CPEB1: variants seen among roughly 807,000 people sequenced by gnomAD.
CPEB1 encodes the protein cytoplasmic polyadenylation element-binding protein 1.
Under a neutral mutation model 65.8 loss-of-function variants are expected in CPEB1, and 7 were observed. The observed-to-expected ratio is 0.11, with a 90% confidence interval of 0.06 to 0.20. CPEB1 has a LOEUF of 0.20. Among genes scored for constraint, CPEB1 ranks in the 10% least tolerant of loss-of-function variants. The pLI, the probability that CPEB1 is intolerant of heterozygous loss-of-function variation, is 1.00. For synonymous variants in CPEB1, 262 were observed against 260.0 expected, an observed-to-expected ratio of 1.01 and a Z score of -0.08; for missense variants, 551 against 712.2, an observed-to-expected ratio of 0.77 and a Z score of 2.58.
intron 4 of CPEB1, among the ~76,000 whole-genome samples, chr15:82,567,845 T>C (rs977927092): frequency 6.6e-6 from 1 of 152,128 alleles, no homozygotes; most frequent in Non-Finnish European, 1.5e-5. Context: ...ACTCTTCTGC[T>C]GCATAATGCT....
chr15:82,618,034 TTTTGTAACTTC>T (rs1051359170), intron 3 of CPEB1, among the ~76,000 whole-genome samples: 10 of 152,244 alleles, frequency 6.6e-5, no homozygotes, highest in Admixed American at 5.2e-4. Context: ...TTTTATTAAC[TTTTGTAACTTC>T]TTTGTAACTT....
At chr15:82,567,537 T>C (rs1036042978) in intron 4 of CPEB1, among the ~76,000 whole-genome samples, 2 of 151,762 alleles carry the variant, frequency 1.3e-5, no homozygotes, top group African/African-American at 4.8e-5. Flanking sequence ...CTCAGGAGGC[T>C]GAGGCAGAGG....
At chr15:82,566,689 A>G (rs1451098422) in intron 4 of CPEB1, among the ~76,000 whole-genome samples, 1 of 151,886 alleles carries the variant, frequency 6.6e-6, no homozygotes, top group Admixed American at 6.6e-5. Flanking sequence ...AGGTCAGCAC[A>G]CATCCTGCCC....
intron 1 of CPEB1, chr15:82,629,509 A>G: frequency 1.0e-6 from 1 of 985,250 alleles, no homozygotes; most frequent in East Asian, 1.1e-4. Flanking sequence ...GGTATTCCCT[A>G]TCTCGGTAAA....
rs2034786984 is a variant in CPEB1, at chr15:82,544,283, T to TTC, written c.*308_*309insGA. ...CTTCTGGACACGTAGTTTTTTTTTT[T>TTC]TTTTTTTTTTTCCCCGCTTTTCATC... On this transcript the variant is annotated 3_prime_UTR_variant, in exon 13 of 13. Transcript: ENST00000684509. 4.4e-6 allele frequency: 1 copy of TTC among 225,580 alleles called. No individual in the cohort carries two copies. 14.0% of individuals were successfully genotyped at this position (225,580 alleles called of 1,614,324 possible). A position where few individuals can be genotyped will look rare whatever the true frequency, so the allele number is the denominator to read the frequency against.
At chr15:82,604,717 T>C (rs939682860) in intron 3 of CPEB1, among the ~76,000 whole-genome samples, 1 of 151,946 alleles carries the variant, frequency 6.6e-6, no homozygotes, top group Non-Finnish European at 1.5e-5. Flanking sequence ...GATACAGACA[T>C]GGAGATTATC....
intron 3 of CPEB1, among the ~76,000 whole-genome samples, chr15:82,616,453 T>A (rs1430438730): frequency 6.6e-6 from 1 of 152,110 alleles, no homozygotes; most frequent in African/African-American, 2.4e-5. Flanking sequence ...ATTGTCTGAA[T>A]AAAGGTCTGA....
At position 82,543,943 on chromosome 15, in the gene CPEB1, T is replaced by C. The variant is rs903449899; in HGVS notation, c.*649A>G. 3.3e-5 allele frequency: 5 copies of C among 152,392 alleles called. No homozygotes were observed. Among genetic ancestry groups the C allele is most frequent in the Non-Finnish European group, 5.9e-5 (4 of 68,020 alleles). 9.4% of individuals were successfully genotyped at this position (152,392 alleles called of 1,614,324 possible). ...TGCCAGGAAAGAAAAAATATCTTGT[T>C]CCAAACGACTTAAAAACTGTTTTAA... On this transcript the variant is annotated 3_prime_UTR_variant, in exon 13 of 13. Transcript: ENST00000684509.
At chr15:82,564,378 C>A (rs1298940857) in intron 4 of CPEB1, among the ~76,000 whole-genome samples, 1 of 152,120 alleles carries the variant, frequency 6.6e-6, no homozygotes, top group Admixed American at 6.6e-5. Context: ...CTCTGCCTCC[C>A]GGGTTCACGC....
At position 82,558,753 on chromosome 15, in the gene CPEB1, C is replaced by G. The variant is rs189244565; in HGVS notation, c.461-767G>C. On this transcript the variant is annotated intron_variant, in intron 4 of 12. Coordinates refer to ENST00000684509, the MANE Select transcript of CPEB1 (RefSeq NM_001365242.1). ...TTAGGACAGCTCAATAATTAGATAC[C>G]AGATGGAAAGAGCTCAGCACAGTAG... is the stretch of plus-strand genomic sequence containing the variant. Among the ~76,000 whole-genome samples, 5 of 152,154 alleles carry G rather than the reference C, an allele frequency of 3.3e-5. No homozygotes were observed. The East Asian group carries it at 9.6e-4, about 29-fold the overall frequency.
At chr15:82,574,038 T>G (rs2040377936) in intron 3 of CPEB1, among the ~76,000 whole-genome samples, 1 of 152,132 alleles carries the variant, frequency 6.6e-6, no homozygotes, top group African/African-American at 2.4e-5. Flanking sequence ...ACCCCAGGCC[T>G]GAGCAACAGG....
chr15:82,633,917 A>G (rs2046453059), intron 1 of CPEB1, among the ~76,000 whole-genome samples: 1 of 152,088 alleles, frequency 6.6e-6, no homozygotes. Context: ...TACAAACACC[A>G]GGTCTACCAC....
chr15:82,583,625 T>C (rs1242167957), intron 3 of CPEB1, among the ~76,000 whole-genome samples: 1 of 152,208 alleles, frequency 6.6e-6, no homozygotes, highest in Non-Finnish European at 1.5e-5. Flanking sequence ...ATTTATCCTA[T>C]GTCCAAATAA....
intron 3 of CPEB1, among the ~76,000 whole-genome samples, chr15:82,602,102 T>C (rs75844450): frequency 0.013 from 1,934 of 152,328 alleles, 33 homozygotes; most frequent in African/African-American, 0.043. Context: ...GTAGAGCATA[T>C]GTTAGACTAT....
chr15:82,565,691 G>C (rs1037301125), intron 4 of CPEB1, among the ~76,000 whole-genome samples: 9 of 152,204 alleles, frequency 5.9e-5, no homozygotes, highest in South Asian at 4.1e-4. Context: ...GTGGTGAGAA[G>C]TCCTAGAGTC....
At chr15:82,619,349 AAC>A (rs2045075231) in intron 3 of CPEB1, among the ~76,000 whole-genome samples, 1 of 152,232 alleles carries the variant, frequency 6.6e-6, no homozygotes, top group African/African-American at 2.4e-5. Flanking sequence ...TTAGAAAAGA[AAC>A]ATATACTACC....
chr15:82,584,931 C>G (rs1567201673), intron 3 of CPEB1, among the ~76,000 whole-genome samples: 1 of 23,998 alleles, frequency 4.2e-5, no homozygotes, highest in South Asian at 1.3e-3. Flanking sequence ...TTACAGTGAA[C>G]ACATTGTAAC....
rs566929777 is a variant in CPEB1, at chr15:82,615,737, A to C, written c.271+11456T>G. On this transcript the variant is annotated intron_variant, in intron 3 of 12. Transcript: ENST00000684509. ...ATGGAATGTGACTGAAAACTCATGA[A>C]ATCCTAGCAGGATTATAAACTGGTA... 3.1e-4 allele frequency among the ~76,000 whole-genome samples: 47 copies of C among 152,306 alleles called. 1 individual carries two copies. The South Asian group carries it at 9.1e-3, about 30-fold the overall frequency.
chr15:82,617,261 A>T (rs1315253167), intron 3 of CPEB1, among the ~76,000 whole-genome samples: 4 of 152,208 alleles, frequency 2.6e-5, no homozygotes, highest in Non-Finnish European at 4.4e-5. Context: ...TTTACTGCTG[A>T]GCAGTACTCC....
Sources: gnomAD v4.1 joint callset for allele counts (sites outside exome capture counted in the v4.1 genomes callset) on GRCh38, gnomAD v4.1.1 for gene constraint, MANE v1.5 for transcripts, NCBI Gene and HGNC (gene_info 2026-07-23, HGNC 2026-07-21) for gene names.